Variants in ATG5 observed in about 807,000 individuals in gnomAD.
ATG5 encodes the protein autophagy protein 5.
In ATG5, 14 loss-of-function variants were observed where a neutral mutation model predicts 36.5. The ratio of observed to expected loss-of-function variants is 0.38; its 90% confidence interval spans 0.25 to 0.60. The LOEUF is 0.60. Ranked by LOEUF, ATG5 falls within the 20% of genes least tolerant of loss-of-function variation. The pLI, the probability that ATG5 is intolerant of heterozygous loss-of-function variation, is 0.60. For missense variants in ATG5, 195 were observed against 326.7 expected (o/e 0.60, Z 3.11); for synonymous variants, 95 against 101.5 (o/e 0.94, Z 0.38).
At chr6:106,270,744 A>G (rs1379702844) in intron 5 of ATG5, among the ~76,000 whole-genome samples, 2 of 152,160 alleles carry the variant, frequency 1.3e-5, no homozygotes, top group Non-Finnish European at 2.9e-5. Context: ...AGCCTCCAAG[A>G]TGGCCTCTCA....
At chr6:106,246,259 G>C (rs576728940) in intron 6 of ATG5, among the ~76,000 whole-genome samples, 31 of 152,080 alleles carry the variant, frequency 2.0e-4, no homozygotes, top group Non-Finnish European at 4.0e-4. Context: ...AGGTTCTGCC[G>C]AGAGTCCCCA....
intron 1 of ATG5, among the ~76,000 whole-genome samples, chr6:106,322,539 T>TTCC (rs1302985165): frequency 1.3e-5 from 2 of 152,016 alleles, no homozygotes; most frequent in African/African-American, 4.8e-5. Flanking sequence ...TGTTCACTTC[T>TTCC]TCCTCCTCCT....
intron 5 of ATG5, among the ~76,000 whole-genome samples, chr6:106,270,623 A>G (rs1399943018): frequency 6.6e-6 from 1 of 152,238 alleles, no homozygotes; most frequent in Non-Finnish European, 1.5e-5. Flanking sequence ...ATTAGATTCT[A>G]GTCTATTATG....
chr6:106,258,260 T>C (rs1778876041), intron 5 of ATG5, among the ~76,000 whole-genome samples: 1 of 151,292 alleles, frequency 6.6e-6, no homozygotes, highest in Admixed American at 6.6e-5. Flanking sequence ...TACCAGCTAC[T>C]TGGGAGACTG....
chr6:106,304,186 T>C (rs1289584270), intron 3 of ATG5: 1 of 152,138 alleles, frequency 6.6e-6, no homozygotes, highest in Non-Finnish European at 1.5e-5. Context: ...ACGCTCGTTT[T>C]GGCAGCACAT....
Position 106,292,713 on chromosome 6 carries a change from G to T in ATG5, c.315+315C>A, listed in dbSNP as rs201265668. ...GCCCAGGCTGGTCTTGAAATCCTGGGCTCACCTCGGCCTCCCAAAGTGCTG... is the reference window on the plus strand; with the variant it reads ...GCCCAGGCTGGTCTTGAAATCCTGGTCTCACCTCGGCCTCCCAAAGTGCTG... On this transcript the variant is annotated intron_variant, in intron 4 of 7. Transcript: ENST00000369076. Among the ~76,000 whole-genome samples the T allele has an allele frequency of 2.6e-5, 4 of 152,194 alleles. No homozygotes were observed. In the East Asian group the frequency reaches 7.7e-4, roughly 29 times the overall value.
At chr6:106,239,776 A>AC (rs1409106705) in intron 6 of ATG5, among the ~76,000 whole-genome samples, 1 of 152,206 alleles carries the variant, frequency 6.6e-6, no homozygotes, top group Non-Finnish European at 1.5e-5. Context: ...TTTTGCAAAT[A>AC]AAGTTTTACT....
intron 5 of ATG5, among the ~76,000 whole-genome samples, chr6:106,250,482 C>T (rs540931164): frequency 1.1e-4 from 17 of 152,136 alleles, no homozygotes; most frequent in Non-Finnish European, 1.9e-4. Flanking sequence ...CTTGGTCTTC[C>T]GATTCAAAGT....
chr6:106,318,226 C>A (rs551541676), intron 1 of ATG5, among the ~76,000 whole-genome samples: 1 of 152,116 alleles, frequency 6.6e-6, no homozygotes, highest in African/African-American at 2.4e-5. Context: ...CAGGACACCA[C>A]TTGACATGTT....
At chr6:106,264,313 C>T (rs974053256) in intron 5 of ATG5, among the ~76,000 whole-genome samples, 5 of 151,890 alleles carry the variant, frequency 3.3e-5, no homozygotes, top group East Asian at 1.9e-4. Context: ...TAAAAAGGAA[C>T]GAATGAAGCC....
chr6:106,250,480 T>C (rs1171268338), intron 5 of ATG5, among the ~76,000 whole-genome samples: 1 of 152,198 alleles, frequency 6.6e-6, no homozygotes, highest in Non-Finnish European at 1.5e-5. Flanking sequence ...ATCTTGGTCT[T>C]CCGATTCAAA....
rs534025347 is a variant in ATG5 at position 106,268,918 on chromosome 6, T to C, written c.478+10743A>G. Among the ~76,000 whole-genome samples the C allele has an allele frequency of 2.4e-4, 37 of 151,960 alleles. 1 individual carries two copies. Among genetic ancestry groups the C allele is most frequent in the South Asian group, 2.1e-3 (10 of 4,792 alleles). ...AGCAGAGGGGGAACATTAGGACAAATACCTAATGTATGCAAGGCTTAAAAC... is the reference window on the plus strand; with the variant it reads ...AGCAGAGGGGGAACATTAGGACAAACACCTAATGTATGCAAGGCTTAAAAC... On this transcript the variant is annotated intron_variant, in intron 5 of 7. Coordinates refer to ENST00000369076, the MANE Select transcript of ATG5 (RefSeq NM_004849.4).
intron 5 of ATG5, among the ~76,000 whole-genome samples, chr6:106,273,400 G>A (rs1244046022): frequency 6.6e-6 from 1 of 152,122 alleles, no homozygotes; most frequent in Non-Finnish European, 1.5e-5. Flanking sequence ...GGAGGGGGAT[G>A]GGAGAACAAT....
chr6:106,250,649 T>C (rs1485982195), intron 5 of ATG5, among the ~76,000 whole-genome samples: 1 of 152,228 alleles, frequency 6.6e-6, no homozygotes, highest in African/African-American at 2.4e-5. Flanking sequence ...GACAGCTAAA[T>C]ATAATGATTC....
At chr6:106,255,717 T>G (rs997833363) in intron 5 of ATG5, among the ~76,000 whole-genome samples, 6 of 152,220 alleles carry the variant, frequency 3.9e-5, no homozygotes, top group African/African-American at 1.4e-4. Flanking sequence ...CAAATTATTC[T>G]GTTGTTCTAT....
chr6:106,244,284 C>T (rs1333420011), intron 6 of ATG5, among the ~76,000 whole-genome samples: 1 of 152,024 alleles, frequency 6.6e-6, no homozygotes, highest in African/African-American at 2.4e-5. Flanking sequence ...AAGTAGATGA[C>T]TGAATGATCT....
At chr6:106,201,277 G>GTA (rs1776418632) in intron 7 of ATG5, among the ~76,000 whole-genome samples, 2 of 40,396 alleles carry the variant, frequency 5.0e-5, no homozygotes, top group South Asian at 1.1e-3. Context: ...AAGTGTATAT[G>GTA]TGTGTGTGTG....
At chr6:106,312,222 G>A (rs9486319) in intron 2 of ATG5, among the ~76,000 whole-genome samples, 26,528 of 152,092 alleles carry the variant, frequency 0.17, 2,692 homozygotes, top group African/African-American at 0.28. Flanking sequence ...GGTCTCTGGA[G>A]TAAGTTACCG....
chr6:106,212,521 C>A (rs1453166085), intron 6 of ATG5, among the ~76,000 whole-genome samples: 2 of 152,150 alleles, frequency 1.3e-5, no homozygotes, highest in East Asian at 3.9e-4. Context: ...TGCTTGTAAT[C>A]CCAGCTACTC....
Sources: allele counts gnomAD v4.1 joint callset (sites outside exome capture counted in the v4.1 genomes callset), GRCh38; gene constraint gnomAD v4.1.1; transcripts MANE v1.5; gene names NCBI Gene and HGNC (gene_info 2026-07-23, HGNC 2026-07-21).